Variants in LTBP1 observed in about 807,000 individuals in gnomAD.
LTBP1 encodes the protein latent-transforming growth factor beta-binding protein 1.
LTBP1 carries 129 observed loss-of-function variants against 207.6 expected under a neutral mutation model. That is an observed-to-expected ratio of 0.62 (90% CI 0.54 to 0.72). LTBP1 has a LOEUF of 0.72. Ranked by LOEUF, LTBP1 falls within the 30% of genes least tolerant of loss-of-function variation. The pLI is 0.00. For synonymous variants in LTBP1, 963 were observed against 833.7 expected, an observed-to-expected ratio of 1.16 and a Z score of -2.67; for missense variants, 2,281 against 2,217.2, an observed-to-expected ratio of 1.03 and a Z score of -0.58.
At chr2:33,376,520 T>A (rs2095141452) in intron 31 of LTBP1, among the ~76,000 whole-genome samples, 1 of 152,240 alleles carries the variant, frequency 6.6e-6, no homozygotes, top group African/African-American at 2.4e-5. Flanking sequence ...ACCTGCATCC[T>A]CTCAGTAATG....
intron 15 of LTBP1, among the ~76,000 whole-genome samples, chr2:33,272,481 G>A (rs752362600): frequency 4.6e-5 from 7 of 152,304 alleles, no homozygotes; most frequent in Admixed American, 2.6e-4. Flanking sequence ...TGGTATAAAT[G>A]TGTTGGTTTT....
At chr2:33,010,144 G>T (rs572551785) in intron 2 of LTBP1, among the ~76,000 whole-genome samples, 2 of 152,302 alleles carry the variant, frequency 1.3e-5, no homozygotes, top group African/African-American at 4.8e-5. Flanking sequence ...GGCCTCTGTG[G>T]CCAGCATGGC....
chr2:33,361,585 T>C lies in LTBP1; in HGVS notation c.4270+70T>C, dbSNP rs2094927905. ...TCAGATATTCAAGTGAAAACATGGC[T>C]TGGGTTTCACAGAATTAGAGTTCTT... On this transcript the variant is annotated intron_variant, in intron 28 of 33. Transcript: ENST00000404816. 2.7e-6 allele frequency: 3 copies of C among 1,124,852 alleles called. No homozygotes were observed. In the East Asian group the frequency reaches 7.2e-5, roughly 27 times the overall value. 69.7% of individuals were successfully genotyped at this position (1,124,852 alleles called of 1,614,324 possible).
At position 33,162,723 on chromosome 2, in the gene LTBP1, G is replaced by A. The variant is rs115283277; in HGVS notation, c.1202-24133G>A. 4.0e-3 allele frequency among the ~76,000 whole-genome samples: 615 copies of A among 152,096 alleles called. 2 individuals carry two copies. Among genetic ancestry groups the A allele is most frequent in the African/African-American group, 0.014 (578 of 41,470 alleles). ...AGTAGAAGCTTCATATTTAAGAAGG[G>A]GATTAATGACATAATTTATTATTGT... On this transcript the variant is annotated intron_variant, in intron 5 of 33. Coordinates refer to ENST00000404816, the MANE Select transcript of LTBP1 (RefSeq NM_206943.4).
chr2:33,041,166 G>A (rs899051867), intron 3 of LTBP1, among the ~76,000 whole-genome samples: 2 of 152,188 alleles, frequency 1.3e-5, no homozygotes, highest in Admixed American at 6.5e-5. Flanking sequence ...ATAGCCCACC[G>A]AGTAGAGTCT....
intron 5 of LTBP1, among the ~76,000 whole-genome samples, chr2:33,172,268 G>T (rs375714442): frequency 6.6e-6 from 1 of 152,114 alleles, no homozygotes; most frequent in Admixed American, 6.5e-5. Context: ...CATCTCACGT[G>T]CAGAGACACA....
intron 19 of LTBP1, among the ~76,000 whole-genome samples, chr2:33,283,826 T>C (rs1241887673): frequency 2.6e-5 from 4 of 152,324 alleles, no homozygotes; most frequent in East Asian, 1.9e-4. Flanking sequence ...ATAATGTCTA[T>C]CTCACAGGGC....
In LTBP1 at chr2:33,361,488, T is replaced by G. The variant is rs116888774; in HGVS notation, c.4243T>G (p.Ser1415Ala). The G allele has an allele frequency of 2.5e-5, 40 of 1,613,504 alleles. No individual in the cohort carries two copies. The East Asian group carries it at 8.0e-4, about 32-fold the overall frequency. The change falls in exon 28 of 34, where the codon TCT (serine) becomes GCT (alanine). Residue 1415 changes from serine to alanine, a missense_variant. Transcript: ENST00000404816. ...TTTTGTGCCTGCTGGAGAATCATCT[T>G]CTGAAGCTGGTGGTGAGAACTATAA... Reference protein sequence around the residue: ...KGFVPAGESSSEAGGENYKDA... With the variant: ...KGFVPAGESSAEAGGENYKDA...
intron 2 of LTBP1, among the ~76,000 whole-genome samples, chr2:32,964,060 G>T (rs1284630711): frequency 2.0e-5 from 3 of 152,188 alleles, no homozygotes; most frequent in Non-Finnish European, 4.4e-5. Flanking sequence ...CTTGGAATTG[G>T]CAGGGATTGT....
chr2:33,204,492 A>G (rs566399001), intron 7 of LTBP1, among the ~76,000 whole-genome samples: 1 of 152,350 alleles, frequency 6.6e-6, no homozygotes, highest in East Asian at 1.9e-4. Flanking sequence ...TTTGCAGAAG[A>G]CTGGTTTAGA....
intron 26 of LTBP1, among the ~76,000 whole-genome samples, chr2:33,350,845 A>G (rs1288339748): frequency 6.6e-6 from 1 of 152,196 alleles, no homozygotes; most frequent in Non-Finnish European, 1.5e-5. Context: ...GTAAATATTT[A>G]ATCTTGGCAA....
rs1210722843 is a variant in LTBP1 at position 33,020,961 on chromosome 2, C to G, written c.618C>G (p.Leu206=). The change falls in exon 3 of 34, where the codon CTC becomes CTG. Residue 206 remains leucine (L), a synonymous_variant. Transcript: ENST00000404816. The part of the protein sequence containing the change: ...QNGGMCLRPQ[L]CVCKPGTKGK... ...GAGGGATGTGTCTCCGGCCACAACT[C>G]TGTGTGTGTAAACCAGGGACCAAGG... is the stretch of plus-strand genomic sequence containing the variant. 4.3e-6 allele frequency: 7 copies of G among 1,609,310 alleles called. No homozygotes were observed. The highest frequency in any genetic ancestry group is 5.9e-6 in the Non-Finnish European group (7 of 1,176,502).
At chr2:33,074,686 C>G (rs529504450) in intron 3 of LTBP1, among the ~76,000 whole-genome samples, 3 of 151,856 alleles carry the variant, frequency 2.0e-5, no homozygotes, top group African/African-American at 7.3e-5. Flanking sequence ...CTGGCTAACA[C>G]GGTGAAACCC....
intron 5 of LTBP1, among the ~76,000 whole-genome samples, chr2:33,176,295 C>G (rs34577456): frequency 7.9e-5 from 12 of 151,950 alleles, no homozygotes; most frequent in Admixed American, 6.6e-4. Flanking sequence ...GGTGGGATCT[C>G]TGTTCACTGC....
intron 2 of LTBP1, among the ~76,000 whole-genome samples, chr2:32,996,447 G>A (rs1299828687): frequency 2.6e-5 from 4 of 152,106 alleles, no homozygotes; most frequent in African/African-American, 9.7e-5. Flanking sequence ...TGAATTTTGG[G>A]AGAGTGGATA....
At chr2:32,976,117 T>G (rs1681738405) in intron 2 of LTBP1, among the ~76,000 whole-genome samples, 1 of 152,208 alleles carries the variant, frequency 6.6e-6, no homozygotes, top group African/African-American at 2.4e-5. Flanking sequence ...GGTTTGATTG[T>G]GGTCTAAAGT....
At chr2:33,076,743 G>A (rs1388876875) in intron 3 of LTBP1, among the ~76,000 whole-genome samples, 1 of 152,026 alleles carries the variant, frequency 6.6e-6, no homozygotes, top group African/African-American at 2.4e-5. Context: ...CACCATGTTG[G>A]CCAGGATGGT....
At chr2:33,196,189 C>T (rs1024387708) in intron 7 of LTBP1, among the ~76,000 whole-genome samples, 12 of 152,070 alleles carry the variant, frequency 7.9e-5, no homozygotes, top group Admixed American at 6.5e-5. Flanking sequence ...AGATATTGCC[C>T]GTAGTTTCAG....
intron 7 of LTBP1, among the ~76,000 whole-genome samples, chr2:33,190,930 A>G (rs1242549099): frequency 1.3e-5 from 2 of 152,186 alleles, no homozygotes; most frequent in African/African-American, 4.8e-5. Context: ...GCTTAAAAGT[A>G]AAGACAATGT....
Sources: gnomAD v4.1 joint callset for allele counts (sites outside exome capture counted in the v4.1 genomes callset) on GRCh38, gnomAD v4.1.1 for gene constraint, MANE v1.5 for transcripts, NCBI Gene and HGNC (gene_info 2026-07-23, HGNC 2026-07-21) for gene names.